SPON1: variants seen among roughly 807,000 people sequenced by gnomAD.
The protein encoded by SPON1 is spondin-1.
Under a neutral mutation model 111.7 loss-of-function variants are expected in SPON1, and 52 were observed. The observed-to-expected ratio is 0.47, with a 90% confidence interval of 0.37 to 0.59. SPON1 has a LOEUF of 0.59. Ranked by LOEUF, SPON1 falls within the 20% of genes least tolerant of loss-of-function variation. The probability of loss-of-function intolerance (pLI) is 0.00; values close to 1 mark genes in which losing one functional copy is unlikely to be tolerated. For missense variants in SPON1, 957 were observed against 1,068.5 expected, an observed-to-expected ratio of 0.90 and a Z score of 1.46; for synonymous variants, 410 against 395.8, an observed-to-expected ratio of 1.04 and a Z score of -0.43.
intron 5 of SPON1, among the ~76,000 whole-genome samples, chr11:14,088,861 C>T (rs781871068): frequency 5.9e-5 from 9 of 151,770 alleles, no homozygotes; most frequent in South Asian, 2.1e-4. Context: ...ATCTAGTCCT[C>T]GTGCCTTATT....
intron 5 of SPON1, among the ~76,000 whole-genome samples, chr11:14,098,486 C>T (rs1554924107): frequency 6.6e-6 from 1 of 152,090 alleles, no homozygotes; most frequent in Admixed American, 6.6e-5. Context: ...ATTCACAAAG[C>T]ATTATATTTT....
In SPON1 at chr11:14,228,919, A is replaced by C. The variant is rs1249279385; in HGVS notation, c.826-14413A>C. On this transcript the variant is annotated intron_variant, in intron 6 of 15. Coordinates refer to ENST00000576479, the MANE Select transcript of SPON1 (RefSeq NM_006108.4). This position sits in a 1 kb window ranked among gnomAD's most constrained non-coding sequence, Gnocchi z 4.2. ...TATTCTCACAAAAATATAAATATAA[A>C]TGTTTAAATTCCCACAGAGAACTAA... is the stretch of plus-strand genomic sequence containing the variant. Among the ~76,000 whole-genome samples the C allele has an allele frequency of 1.3e-5, 2 of 152,196 alleles. No homozygotes were observed. Among genetic ancestry groups the C allele is most frequent in the Non-Finnish European group, 2.9e-5 (2 of 68,034 alleles).
intron 4 of SPON1, among the ~76,000 whole-genome samples, chr11:14,077,264 C>T (rs1211892988): frequency 6.6e-6 from 1 of 152,172 alleles, no homozygotes; most frequent in Admixed American, 6.5e-5. Context: ...GACAAAACCA[C>T]ACCACAGTGC....
chr11:14,201,852 G>A (rs1334643194), intron 6 of SPON1, among the ~76,000 whole-genome samples: 1 of 152,122 alleles, frequency 6.6e-6, no homozygotes, highest in African/African-American at 2.4e-5. Context: ...GTGGTGGGGG[G>A]AGTCCTTGAA....
At position 14,090,009 on chromosome 11, in the gene SPON1, A is replaced by G. The variant is rs1554923100; in HGVS notation, c.676+9988A>G. Among the ~76,000 whole-genome samples the G allele has an allele frequency of 1.3e-5, 2 of 152,068 alleles. 1 individual carries two copies. Among genetic ancestry groups the G allele is most frequent in the East Asian group, 3.9e-4 (2 of 5,172 alleles). On this transcript the variant is annotated intron_variant, in intron 5 of 15. Transcript: ENST00000576479. ...GATGCCCCTTCCCACACCAAGCTCG[A>G]TCATCCCAGGTCAACTTCAGACTGC...
intron 6 of SPON1, among the ~76,000 whole-genome samples, chr11:14,231,113 G>A (rs1407751319): frequency 6.7e-6 from 1 of 149,376 alleles, no homozygotes; most frequent in Non-Finnish European, 1.5e-5. Flanking sequence ...GTGCCCAGCC[G>A]CCACTTTTTT....
chr11:14,236,570 A>G (rs1334515268), intron 6 of SPON1, among the ~76,000 whole-genome samples: 1 of 152,234 alleles, frequency 6.6e-6, no homozygotes, highest in Admixed American at 6.5e-5. Context: ...GCATATACAC[A>G]GTTGGCTTTT....
intron 2 of SPON1, among the ~76,000 whole-genome samples, chr11:14,036,059 A>G (rs782769420): frequency 5.3e-4 from 80 of 152,348 alleles, no homozygotes; most frequent in Non-Finnish European, 9.7e-4. Flanking sequence ...TGACCAGTGT[A>G]CAAAGTGCAG....
chr11:14,063,911 A>C (rs1554920137), intron 3 of SPON1, among the ~76,000 whole-genome samples: 1 of 152,208 alleles, frequency 6.6e-6, no homozygotes, highest in Admixed American at 6.5e-5. Context: ...GCCTTTATGC[A>C]GTGGGAAATG....
intron 1 of SPON1, among the ~76,000 whole-genome samples, chr11:13,978,187 C>G (rs572491145): frequency 2.8e-4 from 43 of 152,160 alleles, no homozygotes; most frequent in South Asian, 2.5e-3. Context: ...GAGTATAAGC[C>G]CTTCAATTTT....
In SPON1 at chr11:14,135,016, A is replaced by C. The variant is rs1166312796; in HGVS notation, c.677-404A>C. ...TGGCTATACCACCCTGAATGCACCC[A>C]ATCTTGTCTGATCTCAGAAGCTAAG... On this transcript the variant is annotated intron_variant, in intron 5 of 15. Transcript: ENST00000576479. The surrounding 1 kb of genome is among the most constrained non-coding windows in gnomAD (Gnocchi z 4.4). 6.3e-6 allele frequency: 1 copy of C among 158,820 alleles called. No homozygotes were observed. The highest frequency in any genetic ancestry group is 1.4e-5 in the Non-Finnish European group (1 of 72,190). The allele number at this position is 158,820 out of a possible 1,614,324, so 9.8% of individuals were successfully genotyped here. A position where few individuals can be genotyped will look rare whatever the true frequency, so the allele number is the denominator to read the frequency against.
At chr11:14,085,960 G>T (rs2133835346) in intron 5 of SPON1, among the ~76,000 whole-genome samples, 1 of 152,122 alleles carries the variant, frequency 6.6e-6, no homozygotes, top group East Asian at 1.9e-4. Context: ...GCCTATTATT[G>T]GTGTATAGGA....
At chr11:14,182,388 T>C (rs2133887876) in intron 6 of SPON1, among the ~76,000 whole-genome samples, 1 of 152,304 alleles carries the variant, frequency 6.6e-6, no homozygotes, top group Non-Finnish European at 1.5e-5. Flanking sequence ...ATTCTAACCT[T>C]GGCCCCTTCA....
In SPON1 at chr11:14,163,825, A is replaced by G. The variant is rs540663387; in HGVS notation, c.825+28257A>G. Among the ~76,000 whole-genome samples the G allele has an allele frequency of 2.0e-5, 3 of 152,166 alleles. No homozygotes were observed. In the South Asian group the frequency reaches 6.2e-4, roughly 32 times the overall value. ...TCCTCCATATTGATTCCTGAGAGAA[A>G]GGCTCTCCAATTCCCTCCCCCGCTT... On this transcript the variant is annotated intron_variant, in intron 6 of 15. Coordinates refer to ENST00000576479, the MANE Select transcript of SPON1 (RefSeq NM_006108.4).
intron 6 of SPON1, among the ~76,000 whole-genome samples, chr11:14,165,743 T>A (rs1848022057): frequency 6.6e-6 from 1 of 152,180 alleles, no homozygotes; most frequent in African/African-American, 2.4e-5. Flanking sequence ...CTGTCTCCAG[T>A]CCCCATTTTT....
chr11:14,243,915 TA>T (rs782771538), intron 7 of SPON1, among the ~76,000 whole-genome samples: 1 of 152,216 alleles, frequency 6.6e-6, no homozygotes, highest in Non-Finnish European at 1.5e-5. Context: ...TACAGTGGTA[TA>T]TCCGTCAGGT....
intron 2 of SPON1, among the ~76,000 whole-genome samples, chr11:14,027,332 G>A (rs1554915480): frequency 6.6e-6 from 1 of 152,180 alleles, no homozygotes; most frequent in Non-Finnish European, 1.5e-5. Flanking sequence ...GTCGTGGAAA[G>A]GTCACTAGGT....
chr11:14,232,541 C>A (rs1848814179), intron 6 of SPON1, among the ~76,000 whole-genome samples: 1 of 152,132 alleles, frequency 6.6e-6, no homozygotes, highest in Admixed American at 6.5e-5. Flanking sequence ...CTTCCCTTTT[C>A]CCTCCCCACT....
At chr11:14,012,157 TTGGGACTTGC>T (rs1848410393) in intron 2 of SPON1, among the ~76,000 whole-genome samples, 2 of 152,108 alleles carry the variant, frequency 1.3e-5, no homozygotes, top group Admixed American at 1.3e-4. Context: ...TCTTTACCAG[TTGGGACTTGC>T]TGGCCAGCCT....
Sources: allele counts gnomAD v4.1 joint callset (sites outside exome capture counted in the v4.1 genomes callset), GRCh38; gene constraint gnomAD v4.1.1; non-coding constraint Gnocchi (gnomAD v3.1); transcripts MANE v1.5; gene names NCBI Gene and HGNC (gene_info 2026-07-23, HGNC 2026-07-21).